The following RANBP2 variants were observed in gnomAD, a reference collection of about 807,000 sequenced individuals.
RANBP2 encodes RAN binding protein 2.
RANBP2 carries 57 observed loss-of-function variants against 303.6 expected under a neutral mutation model. The observed-to-expected ratio is 0.19, with a 90% CI of 0.15 to 0.23. The LOEUF (loss-of-function observed/expected upper bound fraction) is 0.23, where lower values mean the gene tolerates loss of function less well. Ranked by LOEUF, RANBP2 falls within the 10% of genes least tolerant of loss-of-function variation. The pLI is 1.00. For missense variants in RANBP2, 3,138 were observed against 3,780.8 expected (o/e 0.83, Z 4.46); for synonymous variants, 1,167 against 1,301.5 (o/e 0.90, Z 2.23).
chr2:109,646,043 C>T, the RANBP2 span, among the ~76,000 whole-genome samples: 1 of 152,220 alleles, frequency 6.6e-6, no homozygotes, highest in East Asian at 1.9e-4. Context: ...CTGAGCTCTA[C>T]CGGCTGGGGC....
At chr2:109,589,938 A>T in the RANBP2 span, among the ~76,000 whole-genome samples, 1 of 152,084 alleles carries the variant, frequency 6.6e-6, no homozygotes, top group East Asian at 1.9e-4. Flanking sequence ...CTAGCTAGGT[A>T]TCCCAATAGT....
chr2:109,177,257 T>C, the RANBP2 span, among the ~76,000 whole-genome samples: 2,191 of 152,246 alleles, frequency 0.014, 64 homozygotes, highest in African/African-American at 0.05. Context: ...AGCAGGAAGA[T>C]TAAATGCCAG....
the RANBP2 span, among the ~76,000 whole-genome samples, chr2:109,161,039 T>C: frequency 6.6e-6 from 1 of 151,890 alleles, no homozygotes; most frequent in Non-Finnish European, 1.5e-5. Context: ...CTGTGAGAGA[T>C]GGAGAGGCAG....
the RANBP2 span, among the ~76,000 whole-genome samples, chr2:108,948,444 T>A: frequency 2.0e-5 from 3 of 152,178 alleles, no homozygotes; most frequent in African/African-American, 7.2e-5. Flanking sequence ...CAGTACCAAT[T>A]CTCTGTATTA....
At chr2:109,532,180 A>G in the RANBP2 span, among the ~76,000 whole-genome samples, 5 of 152,262 alleles carry the variant, frequency 3.3e-5, no homozygotes, top group Non-Finnish European at 5.9e-5. Context: ...CTCAGGGGCT[A>G]GAATTGCTTC....
At chr2:108,916,137 T>C in the RANBP2 span, among the ~76,000 whole-genome samples, 1 of 152,114 alleles carries the variant, frequency 6.6e-6, no homozygotes, top group South Asian at 2.1e-4. Flanking sequence ...CATCATGGCA[T>C]AGTTTCCAGC....
chr2:109,610,455 C>T, the RANBP2 span, among the ~76,000 whole-genome samples: 1 of 152,160 alleles, frequency 6.6e-6, no homozygotes, highest in Non-Finnish European at 1.5e-5. Context: ...TGGCTCACGC[C>T]TGTAATCCCA....
At chr2:109,442,025 C>G in the RANBP2 span, among the ~76,000 whole-genome samples, 1 of 151,930 alleles carries the variant, frequency 6.6e-6, no homozygotes, top group Non-Finnish European at 1.5e-5. Context: ...TAAATCCACA[C>G]TATTGGCCAG....
the RANBP2 span, among the ~76,000 whole-genome samples, chr2:109,439,944 A>G: frequency 6.6e-6 from 1 of 152,140 alleles, no homozygotes; most frequent in Non-Finnish European, 1.5e-5. Flanking sequence ...GGGGAGGAAA[A>G]TAGGAGGGGG....
chr2:108,997,392 C>T, the RANBP2 span, among the ~76,000 whole-genome samples: 1 of 125,034 alleles, frequency 8.0e-6, no homozygotes, highest in African/African-American at 3.0e-5. Context: ...AGTGAGCTGA[C>T]ATTGCGCCAC....
At chr2:109,440,700 C>T in the RANBP2 span, among the ~76,000 whole-genome samples, 2 of 152,006 alleles carry the variant, frequency 1.3e-5, no homozygotes, top group Admixed American at 6.6e-5. Context: ...GGAGGAGCCC[C>T]GAGGATGTGG....
At chr2:109,549,595 T>C in the RANBP2 span, among the ~76,000 whole-genome samples, 7 of 152,324 alleles carry the variant, frequency 4.6e-5, no homozygotes, top group African/African-American at 1.4e-4. Context: ...AAGGGATCTT[T>C]TGTGCTATCA....
chr2:109,404,978 T>A, the RANBP2 span, among the ~76,000 whole-genome samples: 2 of 151,380 alleles, frequency 1.3e-5, no homozygotes, highest in Admixed American at 6.6e-5. Flanking sequence ...TGCCAGACCC[T>A]CTTTCTAACC....
chr2:109,528,136 G>A, the RANBP2 span, among the ~76,000 whole-genome samples: 1 of 152,220 alleles, frequency 6.6e-6, no homozygotes, highest in Non-Finnish European at 1.5e-5. Context: ...ACAGTGACCT[G>A]GGAGCAGGAC....
At chr2:109,402,786 C>G in the RANBP2 span, among the ~76,000 whole-genome samples, 1 of 152,180 alleles carries the variant, frequency 6.6e-6, no homozygotes, top group Non-Finnish European at 1.5e-5. Context: ...GATTACAGAT[C>G]GTGGGTTGTG....
At chr2:108,775,979 C>T (rs1447134947) in intron 24 of RANBP2, 43 bp downstream of exon 24, 2 of 1,522,840 alleles carry the variant, frequency 1.3e-6, no homozygotes, top group African/African-American at 2.7e-5. Flanking sequence ...ATAAGGGACA[C>T]CTTATATTTG....
At chr2:108,832,998 C>A in the RANBP2 span, among the ~76,000 whole-genome samples, 132,260 of 152,184 alleles carry the variant, frequency 0.87, 57,874 homozygotes, top group East Asian at 1. Context: ...GCACATTGCT[C>A]AGTGAAAGAA....
At chr2:109,238,314 T>C in the RANBP2 span, among the ~76,000 whole-genome samples, 1 of 152,226 alleles carries the variant, frequency 6.6e-6, no homozygotes, top group Non-Finnish European at 1.5e-5. Context: ...TCACTGTATT[T>C]TTAAAAATCT....
chr2:109,161,485 C>T, the RANBP2 span, among the ~76,000 whole-genome samples: 3 of 151,124 alleles, frequency 2.0e-5, no homozygotes, highest in African/African-American at 4.9e-5. Context: ...GGTTGGGTGA[C>T]GTGCATTACA....
Sources: gnomAD v4.1 joint callset for allele counts (sites outside exome capture counted in the v4.1 genomes callset) on GRCh38, gnomAD v4.1.1 for gene constraint, MANE v1.5 for transcripts, NCBI Gene and HGNC (gene_info 2026-07-23, HGNC 2026-07-21) for gene names.